The following GAB1 variants were observed in gnomAD, a reference collection of about 807,000 sequenced individuals.
GAB1 encodes the protein GRB2 associated binding protein 1.
A neutral mutation model predicts 66.5 loss-of-function variants in GAB1; 19 were observed. The observed-to-expected ratio is 0.29, with a 90% CI of 0.20 to 0.42. GAB1 has a LOEUF of 0.42. Ranked by LOEUF, GAB1 falls within the 10% of genes least tolerant of loss-of-function variation. GAB1 has a pLI of 1.00. For synonymous variants in GAB1, 294 were observed against 301.4 expected, an observed-to-expected ratio of 0.98 and a Z score of 0.25; for missense variants, 732 against 858.5, an observed-to-expected ratio of 0.85 and a Z score of 1.84.
intron 8 of GAB1, among the ~76,000 whole-genome samples, chr4:143,464,514 G>A (rs949111325): frequency 1.3e-5 from 2 of 152,192 alleles, no homozygotes; most frequent in Non-Finnish European, 2.9e-5. Flanking sequence ...ACAGGCCTGA[G>A]CCACCGCGCC....
chr4:143,436,535 C>T (rs942974193), intron 3 of GAB1, among the ~76,000 whole-genome samples: 1 of 152,090 alleles, frequency 6.6e-6, no homozygotes. Context: ...TCATGTAGAT[C>T]TCAGCAGGGA....
intron 6 of GAB1, among the ~76,000 whole-genome samples, chr4:143,454,009 C>G (rs903440783): frequency 8.5e-5 from 13 of 152,058 alleles, no homozygotes; most frequent in African/African-American, 3.1e-4. Flanking sequence ...CTAACTTGAG[C>G]TTTGTGTAGA....
rs187386105 is a variant in GAB1, at chr4:143,460,628, T to G, written c.1803+141T>G. ...AAAAGACAACTTTTAAAAAGCTTATTAAAAATAATGTCATAAACTCTAAAA... is the reference window on the plus strand; with the variant it reads ...AAAAGACAACTTTTAAAAAGCTTATGAAAAATAATGTCATAAACTCTAAAA... On this transcript the variant is annotated intron_variant, in intron 8 of 9. Transcript: ENST00000262994. 56 of 711,140 alleles carry G rather than the reference T, an allele frequency of 7.9e-5. No homozygotes were observed. The East Asian group carries it at 1.2e-3, about 15-fold the overall frequency. 44.1% of individuals were successfully genotyped at this position (711,140 alleles called of 1,614,324 possible). A position where few individuals can be genotyped will look rare whatever the true frequency, so the allele number is the denominator to read the frequency against.
At chr4:143,372,751 C>G (rs1730188415) in intron 1 of GAB1, among the ~76,000 whole-genome samples, 1 of 152,146 alleles carries the variant, frequency 6.6e-6, no homozygotes, top group Non-Finnish European at 1.5e-5. Context: ...TCAGGGGTAT[C>G]CCCATGATAG....
Position 143,438,240 on chromosome 4 carries a change from G to A in GAB1, c.835G>A (p.Glu279Lys). ...ACCAAAGGTGTCTCCATCAAGTACT[G>A]AAGCAGATGGAGAACTCTATGTTTT... ...VLPKVSPSST[E>K]ADGELYVFNT... Residue 279 changes from glutamate (E) to lysine (K), a missense_variant, in exon 4 of 10, where the codon GAA becomes AAA. Glu to Lys is a moderately conservative substitution (Grantham distance 56, BLOSUM62 1). Transcript: ENST00000262994. The A allele has an allele frequency of 1.2e-6, 2 of 1,614,074 alleles. No homozygotes were observed. Among genetic ancestry groups the A allele is most frequent in the Non-Finnish European group, 1.7e-6 (2 of 1,180,018 alleles).
chr4:143,382,384 T>C (rs1054401212), intron 1 of GAB1, among the ~76,000 whole-genome samples: 1 of 152,240 alleles, frequency 6.6e-6, no homozygotes, highest in Non-Finnish European at 1.5e-5. Context: ...AAAGTATTCA[T>C]TGAAATAACA....
chr4:143,340,501 T>G (rs1728790342), intron 1 of GAB1, among the ~76,000 whole-genome samples: 1 of 152,062 alleles, frequency 6.6e-6, no homozygotes, highest in Non-Finnish European at 1.5e-5. Context: ...AAAAAATTGT[T>G]TTAGTTTTTT....
intron 6 of GAB1, among the ~76,000 whole-genome samples, chr4:143,453,830 A>G (rs1239301102): frequency 6.6e-6 from 1 of 152,180 alleles, no homozygotes; most frequent in Non-Finnish European, 1.5e-5. Flanking sequence ...CTTAAGTTCT[A>G]TAAGCCCCCA....
At chr4:143,448,686 T>TC (rs1475088519) in intron 6 of GAB1, among the ~76,000 whole-genome samples, 2 of 151,952 alleles carry the variant, frequency 1.3e-5, no homozygotes, top group Non-Finnish European at 2.9e-5. Flanking sequence ...TCTCTTTTTT[T>TC]CTTTATTAGT....
intron 1 of GAB1, among the ~76,000 whole-genome samples, chr4:143,340,660 C>A (rs2013856): frequency 0.47 from 71,200 of 151,860 alleles, 18,124 homozygotes; most frequent in East Asian, 0.75. Context: ...ATAGGCATCC[C>A]CCTCCACACC....
In GAB1 at chr4:143,445,282, T is replaced by C. The variant is rs1022378991; in HGVS notation, c.1585+4900T>C. 3.9e-5 allele frequency among the ~76,000 whole-genome samples: 6 copies of C among 152,144 alleles called. No individual in the cohort carries two copies. The South Asian group carries it at 8.3e-4, about 21-fold the overall frequency. On this transcript the variant is annotated intron_variant, in intron 6 of 9. Transcript: ENST00000262994. ...TGTTTTTTGACTTTTTAGTAATAGC[T>C]GTTTTGACTAGTGTGAGATGATATC... is the stretch of plus-strand genomic sequence containing the variant.
intron 3 of GAB1, among the ~76,000 whole-genome samples, chr4:143,437,323 G>A (rs1020776252): frequency 6.6e-6 from 1 of 152,202 alleles, no homozygotes; most frequent in Non-Finnish European, 1.5e-5. Flanking sequence ...TGCAGAGACC[G>A]AAAATGTTCA....
At position 143,354,158 on chromosome 4, in the gene GAB1, C is replaced by T. The variant is rs28989201; in HGVS notation, c.72+16898C>T. On this transcript the variant is annotated intron_variant, in intron 1 of 9. Coordinates refer to ENST00000262994, the MANE Select transcript of GAB1 (RefSeq NM_002039.4). ...TGACTTGTACCCTGCACTTTGAAGA[C>T]TGGGCTCAGGACTTGCTCTCTTCAT... Among the ~76,000 whole-genome samples the T allele has an allele frequency of 9.8e-3, 1,491 of 152,280 alleles. 17 individuals are homozygous for T. The highest frequency in any genetic ancestry group is 0.034 in the African/African-American group (1,394 of 41,554).
At chr4:143,351,651 C>A (rs188950515) in intron 1 of GAB1, among the ~76,000 whole-genome samples, 2 of 152,282 alleles carry the variant, frequency 1.3e-5, no homozygotes, top group East Asian at 3.9e-4. Flanking sequence ...CCAGGCACTT[C>A]CCTTCCCCAC....
rs1729890709 is a variant in GAB1, at chr4:143,366,635, A to G, written c.72+29375A>G. ...TCCCTCACTATCACCTCATATACAT[A>G]CATACATACGCAGGCACACTCCTTC... is the stretch of plus-strand genomic sequence containing the variant. On this transcript the variant is annotated intron_variant, in intron 1 of 9. Transcript: ENST00000262994. Among the ~76,000 whole-genome samples, 4 of 152,144 alleles carry G rather than the reference A, an allele frequency of 2.6e-5. No homozygotes were observed. The South Asian group carries it at 8.3e-4, about 32-fold the overall frequency.
At position 143,374,207 on chromosome 4, in the gene GAB1, C is replaced by T. The variant is rs559232038; in HGVS notation, c.72+36947C>T. Among the ~76,000 whole-genome samples the T allele has an allele frequency of 1.5e-4, 23 of 152,186 alleles. No individual in the cohort carries two copies. In the South Asian group the frequency reaches 4.4e-3, roughly 29 times the overall value. On this transcript the variant is annotated intron_variant, in intron 1 of 9. Coordinates refer to ENST00000262994, the MANE Select transcript of GAB1 (RefSeq NM_002039.4). ...CCCATACATTTTGGTGGCAGCATGACTTTCAAGAGGAGTTGCTTCTCTTGC... is the reference window on the plus strand; with the variant it reads ...CCCATACATTTTGGTGGCAGCATGATTTTCAAGAGGAGTTGCTTCTCTTGC...
chr4:143,470,641 A>G lies in GAB1; in HGVS notation c.*1452A>G, dbSNP rs1043199442. ...TATAGTTGTTTTTTAACCAAGTTAC[A>G]TACAATCTCATGTACTGATTTGAGA... On this transcript the variant is annotated 3_prime_UTR_variant, in exon 10 of 10. Coordinates refer to ENST00000262994, the MANE Select transcript of GAB1 (RefSeq NM_002039.4). 6.6e-6 allele frequency: 1 copy of G among 152,256 alleles called. No individual in the cohort carries two copies. Among genetic ancestry groups the G allele is most frequent in the Non-Finnish European group, 1.5e-5 (1 of 68,056 alleles). 9.4% of individuals were successfully genotyped at this position (152,256 alleles called of 1,614,324 possible).
chr4:143,346,722 T>C (rs1271410365), intron 1 of GAB1, among the ~76,000 whole-genome samples: 2 of 152,226 alleles, frequency 1.3e-5, no homozygotes, highest in African/African-American at 4.8e-5. Flanking sequence ...TACATGTTCT[T>C]GACAGTTTCA....
intron 1 of GAB1, among the ~76,000 whole-genome samples, chr4:143,369,506 C>T (rs1044990372): frequency 6.6e-6 from 1 of 152,160 alleles, no homozygotes; most frequent in African/African-American, 2.4e-5. Flanking sequence ...TGAAAATATC[C>T]TGTTGCTCTA....
Sources: allele counts gnomAD v4.1 joint callset (sites outside exome capture counted in the v4.1 genomes callset), GRCh38; gene constraint gnomAD v4.1.1; transcripts MANE v1.5; gene names NCBI Gene and HGNC (gene_info 2026-07-23, HGNC 2026-07-21).